The following SLC25A13 variants were observed in gnomAD, a reference collection of about 807,000 sequenced individuals.
SLC25A13 encodes the protein solute carrier family 25 member 13.
A neutral mutation model predicts 85.5 loss-of-function variants in SLC25A13; 70 were observed. That is an observed-to-expected ratio of 0.82 (90% CI 0.68 to 1.00). The LOEUF is 1.00. SLC25A13 is among the 50% of genes least tolerant of loss of function. SLC25A13 has a pLI of 0.00. For synonymous variants in SLC25A13, 259 were observed against 288.7 expected, an observed-to-expected ratio of 0.90 and a Z score of 1.04; for missense variants, 765 against 819.8, an observed-to-expected ratio of 0.93 and a Z score of 0.82.
At chr7:96,123,819 C>CA (rs1305012303) in intron 15 of SLC25A13, among the ~76,000 whole-genome samples, 1 of 152,190 alleles carries the variant, frequency 6.6e-6, no homozygotes, top group Non-Finnish European at 1.5e-5. Flanking sequence ...ACTTGGCCAC[C>CA]AGAGAGCTGT....
At chr7:96,191,788 C>T (rs1336963171) in intron 6 of SLC25A13, among the ~76,000 whole-genome samples, 1 of 152,006 alleles carries the variant, frequency 6.6e-6, no homozygotes, top group Non-Finnish European at 1.5e-5. Context: ...TTCTAGCAAA[C>T]AAGCATATTA....
intron 5 of SLC25A13, among the ~76,000 whole-genome samples, chr7:96,197,528 T>C (rs1362363063): frequency 6.6e-6 from 1 of 152,024 alleles, no homozygotes; most frequent in Non-Finnish European, 1.5e-5. Flanking sequence ...ATGAAAGAAA[T>C]GTGTGGTCTT....
At position 96,173,886 on chromosome 7, in the gene SLC25A13, G is replaced by A. The variant is rs148342020; in HGVS notation, c.1178-2362C>T. Among the ~76,000 whole-genome samples, 996 of 152,312 alleles carry A rather than the reference G, an allele frequency of 6.5e-3. 1 individual carries two copies. Among genetic ancestry groups the A allele is most frequent in the Non-Finnish European group, 9.3e-3 (634 of 68,032 alleles). Reference sequence around the variant, plus strand: ...CCAATTAGGATGCCTTCTCCAGGAGGATGACTGACAGTCTTTAGAGAAGAG... The same window carrying A: ...CCAATTAGGATGCCTTCTCCAGGAGAATGACTGACAGTCTTTAGAGAAGAG... On this transcript the variant is annotated intron_variant, in intron 11 of 17. Transcript: ENST00000265631.
chr7:96,195,487 C>T (rs1795025501), intron 5 of SLC25A13, among the ~76,000 whole-genome samples: 1 of 152,144 alleles, frequency 6.6e-6, no homozygotes, highest in Non-Finnish European at 1.5e-5. Context: ...CAGTCTGGAG[C>T]TTGGGCTTGC....
At chr7:96,174,113 G>A (rs1794117981) in intron 11 of SLC25A13, among the ~76,000 whole-genome samples, 1 of 152,324 alleles carries the variant, frequency 6.6e-6, no homozygotes, top group South Asian at 2.1e-4. Context: ...GCCCATGAAA[G>A]GCACACAGGT....
chr7:96,249,514 G>T (rs1367922140), intron 3 of SLC25A13, among the ~76,000 whole-genome samples: 1 of 152,118 alleles, frequency 6.6e-6, no homozygotes, highest in Non-Finnish European at 1.5e-5. Context: ...TTTTGCTCAT[G>T]GAAGAACCTA....
intron 14 of SLC25A13, among the ~76,000 whole-genome samples, chr7:96,136,743 C>T (rs1405802568): frequency 1.3e-5 from 2 of 152,158 alleles, no homozygotes; most frequent in Non-Finnish European, 2.9e-5. Context: ...AAGGTAATTA[C>T]ACTCACAAAG....
chr7:96,186,517 G>A (rs1433503844), intron 9 of SLC25A13, among the ~76,000 whole-genome samples: 4 of 152,154 alleles, frequency 2.6e-5, no homozygotes, highest in Non-Finnish European at 4.4e-5. Flanking sequence ...AGTACTTATT[G>A]GAAATTTCGA....
chr7:96,176,774 G>T (rs929603017), intron 11 of SLC25A13, among the ~76,000 whole-genome samples: 1 of 152,196 alleles, frequency 6.6e-6, no homozygotes, highest in Non-Finnish European at 1.5e-5. Context: ...TTCAGGGTTG[G>T]AAGGGATTAT....
chr7:96,132,629 T>C (rs1287296728), intron 14 of SLC25A13, among the ~76,000 whole-genome samples: 1 of 152,216 alleles, frequency 6.6e-6, no homozygotes, highest in Non-Finnish European at 1.5e-5. Flanking sequence ...AGAAATATGA[T>C]ATATTATGAT....
At chr7:96,259,204 T>A (rs1270290784) in intron 3 of SLC25A13, among the ~76,000 whole-genome samples, 6 of 152,090 alleles carry the variant, frequency 3.9e-5, no homozygotes, top group Admixed American at 3.9e-4. Context: ...AAGCCAAAAT[T>A]GACAAATGGG....
chr7:96,193,254 T>G (rs1794930875), intron 5 of SLC25A13, 71 bp from the exon 6 acceptor site: 1 of 1,565,460 alleles, frequency 6.4e-7, no homozygotes, highest in Admixed American at 1.7e-5. Context: ...GACAGTTCAT[T>G]TTAAAATCAG....
At chr7:96,292,082 T>C (rs1391850353) in intron 2 of SLC25A13, among the ~76,000 whole-genome samples, 1 of 152,190 alleles carries the variant, frequency 6.6e-6, no homozygotes, top group Non-Finnish European at 1.5e-5. Context: ...TTATCCACCA[T>C]GATAAAGTGG....
intron 1 of SLC25A13, among the ~76,000 whole-genome samples, chr7:96,321,323 T>C (rs1382805959): frequency 6.6e-6 from 1 of 151,532 alleles, no homozygotes; most frequent in Non-Finnish European, 1.5e-5. Flanking sequence ...GGTATCTAAG[T>C]GTTGTCAGAT....
intron 3 of SLC25A13, among the ~76,000 whole-genome samples, chr7:96,249,232 G>A (rs537017561): frequency 6.6e-6 from 1 of 152,332 alleles, no homozygotes; most frequent in Non-Finnish European, 1.5e-5. Flanking sequence ...ACAGTAAACA[G>A]AATACTACTA....
intron 11 of SLC25A13, among the ~76,000 whole-genome samples, chr7:96,180,745 AAGC>A (rs1421103619): frequency 6.6e-6 from 1 of 152,250 alleles, no homozygotes; most frequent in Non-Finnish European, 1.5e-5. Context: ...CAAAGTTTAA[AAGC>A]AGAAATTATT....
intron 2 of SLC25A13, among the ~76,000 whole-genome samples, chr7:96,277,799 A>T (rs56295498): frequency 0.13 from 2,834 of 22,624 alleles, 86 homozygotes; most frequent in African/African-American, 0.28. Flanking sequence ...ATAGCTTTTT[A>T]AAAAAAAAAA....
Position 96,121,359 on chromosome 7 carries a change from C to T in SLC25A13, c.1860G>A (p.Glu620=). The T allele has an allele frequency of 6.2e-7, 1 of 1,614,168 alleles. No homozygotes were observed. Among genetic ancestry groups the T allele is most frequent in the Non-Finnish European group, 8.5e-7 (1 of 1,180,020 alleles). ...DFGGVKPMGS[E]PVPKSRINLP... is the part of the protein sequence containing the mutation. ...GGTTGATCCTGGATTTAGGAACTGG[C>T]TCTGATCCCATGGGTTTTCTAAAAG... is the stretch of plus-strand genomic sequence containing the variant. Residue 620 remains glutamate, a synonymous_variant, in exon 18 of 18, where the codon GAG becomes GAA. Coordinates refer to ENST00000265631, the MANE Select transcript of SLC25A13 (RefSeq NM_014251.3).
chr7:96,135,798 TA>T (rs571897017), intron 14 of SLC25A13, among the ~76,000 whole-genome samples: 201 of 148,574 alleles, frequency 1.4e-3, no homozygotes, highest in South Asian at 4.2e-3. Context: ...GTGTGCCACT[TA>T]AAAAAAAATA....
Sources: gnomAD v4.1 joint callset for allele counts (sites outside exome capture counted in the v4.1 genomes callset) on GRCh38, gnomAD v4.1.1 for gene constraint, MANE v1.5 for transcripts, NCBI Gene and HGNC (gene_info 2026-07-23, HGNC 2026-07-21) for gene names.